FRAS1: variants seen among roughly 807,000 people sequenced by gnomAD.
FRAS1 encodes the protein Fraser extracellular matrix complex subunit 1.
Under a neutral mutation model 435.2 loss-of-function variants are expected in FRAS1, and 290 were observed. The observed-to-expected ratio is 0.67, with a 90% confidence interval of 0.61 to 0.73. The LOEUF is 0.73. FRAS1 is among the 30% of genes least tolerant of loss of function. The pLI, the probability that FRAS1 is intolerant of heterozygous loss-of-function variation, is 0.00. For missense variants in FRAS1, 4,860 were observed against 5,001.5 expected (o/e 0.97, Z 0.85); for synonymous variants, 1,800 against 1,851.0 (o/e 0.97, Z 0.71).
chr4:78,149,468 C>G (rs551168847), intron 2 of FRAS1, among the ~76,000 whole-genome samples: 3 of 152,194 alleles, frequency 2.0e-5, no homozygotes, highest in Non-Finnish European at 4.4e-5. Context: ...TCATTCTTCA[C>G]AGGAAACACC....
chr4:78,300,103 G>A (rs547231313), intron 14 of FRAS1, among the ~76,000 whole-genome samples: 2 of 152,332 alleles, frequency 1.3e-5, no homozygotes, highest in East Asian at 3.9e-4. Context: ...TGACTCTTCA[G>A]ATGATGACTA....
intron 51 of FRAS1, among the ~76,000 whole-genome samples, chr4:78,471,260 G>T (rs1329413701): frequency 3.9e-5 from 6 of 152,074 alleles, no homozygotes. Flanking sequence ...TGCATTTGTG[G>T]GTGGTATTCT....
At chr4:78,204,104 A>T (rs1723156491) in intron 2 of FRAS1, among the ~76,000 whole-genome samples, 1 of 152,214 alleles carries the variant, frequency 6.6e-6, no homozygotes, top group Non-Finnish European at 1.5e-5. Flanking sequence ...AAAGTTAATG[A>T]ATTAAGAATA....
At chr4:78,208,918 C>T (rs1195761075) in intron 2 of FRAS1, among the ~76,000 whole-genome samples, 2 of 152,116 alleles carry the variant, frequency 1.3e-5, no homozygotes, top group Admixed American at 1.3e-4. Flanking sequence ...GAGTGGATCA[C>T]TTGAGCCCAG....
chr4:78,302,058 T>G (rs1006408847), intron 14 of FRAS1, among the ~76,000 whole-genome samples: 5 of 149,270 alleles, frequency 3.3e-5, no homozygotes, highest in Non-Finnish European at 5.9e-5. Context: ...CCTGTGTCCA[T>G]GTGTTCTCAT....
intron 9 of FRAS1, among the ~76,000 whole-genome samples, chr4:78,272,632 C>T (rs75653367): frequency 0.33 from 50,645 of 151,492 alleles, 8,408 homozygotes; most frequent in Admixed American, 0.39. Context: ...AGATATGCGG[C>T]ATTATTTCTG....
At chr4:78,360,716 T>G (rs975456728) in intron 20 of FRAS1, among the ~76,000 whole-genome samples, 2 of 152,190 alleles carry the variant, frequency 1.3e-5, no homozygotes, top group Non-Finnish European at 1.5e-5. Context: ...TGAAAAGCAC[T>G]GCTGGGTGAG....
At chr4:78,415,079 C>G (rs116709539) in intron 32 of FRAS1, among the ~76,000 whole-genome samples, 75 of 152,256 alleles carry the variant, frequency 4.9e-4, no homozygotes, top group African/African-American at 1.8e-3. Flanking sequence ...ACACAGATTG[C>G]GCTCACCCAC....
At chr4:78,283,632 A>T (rs942542822) in intron 12 of FRAS1, among the ~76,000 whole-genome samples, 1 of 152,150 alleles carries the variant, frequency 6.6e-6, no homozygotes. Flanking sequence ...GTTTTCATTC[A>T]TGGGCCATAA....
chr4:78,431,216 A>G (rs1734207351), intron 37 of FRAS1, among the ~76,000 whole-genome samples: 1 of 152,218 alleles, frequency 6.6e-6, no homozygotes, highest in African/African-American at 2.4e-5. Context: ...TTAAAGAACA[A>G]CCAGTAAGCA....
intron 2 of FRAS1, among the ~76,000 whole-genome samples, chr4:78,133,953 G>GT (rs776528593): frequency 0.016 from 2,160 of 133,456 alleles, 53 homozygotes; most frequent in South Asian, 0.062. Context: ...GATGGACTAG[G>GT]TTTTTTTTTT....
At chr4:78,247,956 G>C (rs940916166) in intron 4 of FRAS1, among the ~76,000 whole-genome samples, 2 of 152,182 alleles carry the variant, frequency 1.3e-5, no homozygotes, top group African/African-American at 2.4e-5. Flanking sequence ...GGAGAATATG[G>C]TTCAAATAAA....
rs898047873 is a variant in FRAS1, at chr4:78,143,509, G to A, written c.108+77493G>A. 7.2e-5 allele frequency among the ~76,000 whole-genome samples: 11 copies of A among 152,202 alleles called. No individual in the cohort carries two copies. In the South Asian group the frequency reaches 2.1e-3, roughly 29 times the overall value. On this transcript the variant is annotated intron_variant, in intron 2 of 73. Transcript: ENST00000512123. ...GTATAGTTCATAAAATAGTGCATTT[G>A]ACAACTGCAAAACACACATTTCTTT... is the stretch of plus-strand genomic sequence containing the variant.
At chr4:78,161,742 CAAAAAAAAAAA>C (rs71214399) in intron 2 of FRAS1, among the ~76,000 whole-genome samples, 7 of 24,886 alleles carry the variant, frequency 2.8e-4, no homozygotes, top group African/African-American at 9.8e-4. Flanking sequence ...AACTCTGTCT[CAAAAAAAAAAA>C]AAAAAAAAAA....
In FRAS1 at chr4:78,376,702, T is replaced by G. The variant is rs180756928; in HGVS notation, c.3292+823T>G. Among the ~76,000 whole-genome samples, 212 of 152,148 alleles carry G rather than the reference T, an allele frequency of 1.4e-3. 1 individual carries two copies. Among genetic ancestry groups the G allele is most frequent in the African/African-American group, 4.8e-3 (201 of 41,506 alleles). On this transcript the variant is annotated intron_variant, in intron 26 of 73. Coordinates refer to ENST00000512123, the MANE Select transcript of FRAS1 (RefSeq NM_025074.7). ...TACCCCGTTTGCCCTTAAAAATATG[T>G]AACATCGGCCGGGCATGGTGGCTCA...
At chr4:78,430,582 G>A (rs190341416) in intron 37 of FRAS1, among the ~76,000 whole-genome samples, 165 bp downstream of exon 37, 9 of 152,174 alleles carry the variant, frequency 5.9e-5, no homozygotes, top group South Asian at 2.1e-4. Flanking sequence ...AGACTTCTTC[G>A]TGTTCCCACT....
chr4:78,172,240 C>G (rs1357840031), intron 2 of FRAS1, among the ~76,000 whole-genome samples: 1 of 152,174 alleles, frequency 6.6e-6, no homozygotes, highest in Admixed American at 6.5e-5. Flanking sequence ...GCTTAGTGCA[C>G]CAACGATAGT....
intron 59 of FRAS1, among the ~76,000 whole-genome samples, chr4:78,493,159 T>C (rs1361796360): frequency 6.6e-6 from 1 of 152,170 alleles, no homozygotes; most frequent in Non-Finnish European, 1.5e-5. Context: ...AAACAACAGA[T>C]TCTGGAGAGG....
chr4:78,254,923 A>G (rs1402391711), intron 5 of FRAS1, among the ~76,000 whole-genome samples: 1 of 151,880 alleles, frequency 6.6e-6, no homozygotes, highest in Non-Finnish European at 1.5e-5. Flanking sequence ...GGCGCATGCA[A>G]CCTCCTGGCA....
Sources: allele counts gnomAD v4.1 joint callset (sites outside exome capture counted in the v4.1 genomes callset), GRCh38; gene constraint gnomAD v4.1.1; transcripts MANE v1.5; gene names NCBI Gene and HGNC (gene_info 2026-07-23, HGNC 2026-07-21).